MAD1L1: variants seen among roughly 807,000 people sequenced by gnomAD.
The protein encoded by MAD1L1 is mitotic arrest deficient 1 like 1.
MAD1L1 carries 95 observed loss-of-function variants against 96.9 expected under a neutral mutation model. That is an observed-to-expected ratio of 0.98 (90% CI 0.83 to 1.16). The LOEUF is 1.16. Ranked by LOEUF, MAD1L1 falls within the 50% of genes most tolerant of loss-of-function variation. The probability of loss-of-function intolerance (pLI) is 0.00; values close to 1 mark genes in which losing one functional copy is unlikely to be tolerated. For missense variants in MAD1L1, 1,007 were observed against 954.4 expected, an observed-to-expected ratio of 1.06 and a Z score of -0.73; for synonymous variants, 473 against 396.6, an observed-to-expected ratio of 1.19 and a Z score of -2.29.
chr7:1,896,573 T>G (rs762700779), intron 18 of MAD1L1, among the ~76,000 whole-genome samples: 1 of 152,184 alleles, frequency 6.6e-6, no homozygotes, highest in Non-Finnish European at 1.5e-5. Flanking sequence ...TAAATGAACA[T>G]GCCTAGGCAT....
chr7:1,983,871 C>A (rs1369956746), intron 14 of MAD1L1, among the ~76,000 whole-genome samples: 1 of 152,174 alleles, frequency 6.6e-6, no homozygotes, highest in East Asian at 1.9e-4. Context: ...GGTTTTATTT[C>A]AAATAACAGG....
chr7:1,832,630 TGGCG>T (rs1782754452), intron 18 of MAD1L1, among the ~76,000 whole-genome samples: 1 of 2,346 alleles, frequency 4.3e-4, no homozygotes, highest in Non-Finnish European at 8.3e-4. Context: ...TTTTTTTTTT[TGGCG>T]GGGGGGGGGG....
intron 17 of MAD1L1, among the ~76,000 whole-genome samples, chr7:1,903,367 G>GTTCC (rs1173657010): frequency 1.3e-5 from 2 of 150,950 alleles, no homozygotes; most frequent in Non-Finnish European, 2.9e-5. Context: ...ATGAAGCACT[G>GTTCC]TTCCAGGCAG....
At chr7:2,034,487 A>G (rs28528997) in intron 12 of MAD1L1, among the ~76,000 whole-genome samples, 25,602 of 152,214 alleles carry the variant, frequency 0.17, 2,711 homozygotes, top group Middle Eastern at 0.3. Context: ...AAGTGCTAGG[A>G]TTACAGGCAT....
intron 15 of MAD1L1, among the ~76,000 whole-genome samples, chr7:1,963,911 GCA>G (rs1381162027): frequency 1.3e-5 from 2 of 152,228 alleles, no homozygotes; most frequent in Non-Finnish European, 2.9e-5. Context: ...GTGAGACCTA[GCA>G]CACACCTCCG....
At chr7:2,042,233 G>A (rs547626702) in intron 12 of MAD1L1, among the ~76,000 whole-genome samples, 204 of 150,374 alleles carry the variant, frequency 1.4e-3, no homozygotes, top group African/African-American at 4.6e-3. Flanking sequence ...ACACACAAGC[G>A]CATGCGCACA....
At chr7:1,940,781 T>C (rs1243676962) in intron 16 of MAD1L1, among the ~76,000 whole-genome samples, 1 of 152,212 alleles carries the variant, frequency 6.6e-6, no homozygotes, top group Non-Finnish European at 1.5e-5. Context: ...TATTCTTCTT[T>C]TGATTTTCTT....
rs1271534855 is a variant in MAD1L1 at position 2,119,818 on chromosome 7, C to G, written c.1073+29334G>C. Among the ~76,000 whole-genome samples, 3 of 152,310 alleles carry G rather than the reference C, an allele frequency of 2.0e-5. No individual in the cohort carries two copies. In the South Asian group the frequency reaches 6.2e-4, roughly 32 times the overall value. On this transcript the variant is annotated intron_variant, in intron 11 of 18. Transcript: ENST00000265854. The surrounding 1 kb of genome is among the most constrained non-coding windows in gnomAD (Gnocchi z 4.6). ...CACGTCCCACGACAACTGTTCCAGACCCCTAGGCTCTTTCCTGCTGGCTCC... is the reference window on the plus strand; with the variant it reads ...CACGTCCCACGACAACTGTTCCAGAGCCCTAGGCTCTTTCCTGCTGGCTCC...
At chr7:1,837,302 T>G (rs55772680) in intron 18 of MAD1L1, among the ~76,000 whole-genome samples, 7,282 of 152,256 alleles carry the variant, frequency 0.048, 385 homozygotes, top group African/African-American at 0.13. Context: ...AGACTGATCA[T>G]GTCAAGTACT....
At chr7:2,218,854 G>A (rs548317716) in intron 6 of MAD1L1, among the ~76,000 whole-genome samples, 63 of 151,930 alleles carry the variant, frequency 4.1e-4, no homozygotes, top group African/African-American at 1.5e-3. Flanking sequence ...AGCCGAGATG[G>A]TGCCACTGCA....
intron 15 of MAD1L1, among the ~76,000 whole-genome samples, chr7:1,966,701 A>G (rs2128477704): frequency 6.6e-6 from 1 of 152,322 alleles, no homozygotes; most frequent in Non-Finnish European, 1.5e-5. Flanking sequence ...AATGGTGAAA[A>G]CAGAAAAAAA....
At chr7:1,978,774 G>A (rs1780761145) in intron 15 of MAD1L1, among the ~76,000 whole-genome samples, 1 of 152,180 alleles carries the variant, frequency 6.6e-6, no homozygotes, top group Non-Finnish European at 1.5e-5. Flanking sequence ...CCCGAGACAT[G>A]GAGACGCAGA....
chr7:1,825,162 G>C (rs1349000380), intron 18 of MAD1L1, among the ~76,000 whole-genome samples: 2 of 152,224 alleles, frequency 1.3e-5, no homozygotes, highest in African/African-American at 4.8e-5. Context: ...CTTCAAGACA[G>C]GCCGCTGAGC....
At chr7:2,022,760 A>G (rs1262519513) in intron 12 of MAD1L1, among the ~76,000 whole-genome samples, 1 of 152,222 alleles carries the variant, frequency 6.6e-6, no homozygotes, top group African/African-American at 2.4e-5. Flanking sequence ...ACCAATTAAA[A>G]GACGGTCAGG....
At chr7:2,184,554 G>A (rs1043194285) in intron 10 of MAD1L1, among the ~76,000 whole-genome samples, 3 of 152,104 alleles carry the variant, frequency 2.0e-5, no homozygotes, top group Non-Finnish European at 2.9e-5. Context: ...TTGACTTCTG[G>A]GTGCTCACTC....
intron 18 of MAD1L1, among the ~76,000 whole-genome samples, chr7:1,887,489 G>A: frequency 6.6e-6 from 1 of 151,866 alleles, no homozygotes; most frequent in East Asian, 1.9e-4. Flanking sequence ...GCCCGTGTGG[G>A]TGCATGTGTG....
Position 1,870,824 on chromosome 7 carries a change from C to A in MAD1L1, c.1998+27376G>T, listed in dbSNP as rs144221148. Among the ~76,000 whole-genome samples, 135 of 70,422 alleles carry A rather than the reference C, an allele frequency of 1.9e-3. 6 individuals carry two copies. The highest frequency in any genetic ancestry group is 3.4e-3 in the South Asian group (5 of 1,456). 46.2% of individuals were successfully genotyped at this position (70,422 alleles called of 152,430 possible). A position where few individuals can be genotyped will look rare whatever the true frequency, so the allele number is the denominator to read the frequency against. Reference sequence around the variant, plus strand: ...ACATATGCCTGCCACGCTGAACCGACCATAACACCTGCCACGCTGAACCGA... The same window carrying A: ...ACATATGCCTGCCACGCTGAACCGAACATAACACCTGCCACGCTGAACCGA... On this transcript the variant is annotated intron_variant, in intron 18 of 18. Transcript: ENST00000265854.
At chr7:2,108,857 C>T (rs1042144765) in intron 11 of MAD1L1, among the ~76,000 whole-genome samples, 3 of 152,234 alleles carry the variant, frequency 2.0e-5, no homozygotes, top group African/African-American at 4.8e-5. Context: ...CTCCAGGAGC[C>T]GGCCCGATCC....
chr7:2,153,486 A>G (rs1225820773), intron 10 of MAD1L1, among the ~76,000 whole-genome samples: 3 of 152,244 alleles, frequency 2.0e-5, no homozygotes, highest in Non-Finnish European at 4.4e-5. Context: ...AATCAAAACC[A>G]CAATGAGATA....
Sources: gnomAD v4.1 joint callset for allele counts (sites outside exome capture counted in the v4.1 genomes callset) on GRCh38, gnomAD v4.1.1 for gene constraint, Gnocchi (gnomAD v3.1) non-coding constraint, MANE v1.5 for transcripts, NCBI Gene and HGNC (gene_info 2026-07-23, HGNC 2026-07-21) for gene names.